Variants in BCAS1 observed in about 807,000 individuals in gnomAD.
BCAS1 encodes the protein breast carcinoma-amplified sequence 1.
A neutral mutation model predicts 65.4 loss-of-function variants in BCAS1; 46 were observed. That is an observed-to-expected ratio of 0.70 (90% CI 0.55 to 0.90). BCAS1 has a LOEUF of 0.90. Among genes scored for constraint, BCAS1 ranks in the 40% least tolerant of loss-of-function variants. The pLI is 0.00. For synonymous variants in BCAS1, 298 were observed against 293.5 expected, an observed-to-expected ratio of 1.02 and a Z score of -0.16; for missense variants, 793 against 771.2, an observed-to-expected ratio of 1.03 and a Z score of -0.33.
intron 4 of BCAS1, among the ~76,000 whole-genome samples, chr20:54,000,719 C>T (rs2091035709): frequency 6.6e-6 from 1 of 150,742 alleles, no homozygotes; most frequent in African/African-American, 2.4e-5. Flanking sequence ...GTTTCTATTG[C>T]TGTGTATTTA....
chr20:53,966,557 A>C (rs1304273437), intron 10 of BCAS1, among the ~76,000 whole-genome samples: 2 of 152,202 alleles, frequency 1.3e-5, no homozygotes, highest in Non-Finnish European at 2.9e-5. Flanking sequence ...AGGTGCACTA[A>C]AGTCTCAGAA....
In BCAS1 at chr20:54,041,249, G is replaced by A. The variant is rs75138064; in HGVS notation, c.143-12277C>T. ...ATGACGATGTTCTGGAATTAGACGT[G>A]GAACGATTGCACACATGGTGCAAAT... On this transcript the variant is annotated intron_variant, in intron 3 of 12. Coordinates refer to ENST00000688948, the MANE Select transcript of BCAS1 (RefSeq NM_001366298.2). 3.0e-3 allele frequency among the ~76,000 whole-genome samples: 458 copies of A among 151,290 alleles called. 11 individuals are homozygous for A. The highest frequency in any genetic ancestry group is 0.011 in the African/African-American group (437 of 41,414).
At chr20:53,962,417 T>C (rs2089906126) in intron 10 of BCAS1, among the ~76,000 whole-genome samples, 1 of 152,186 alleles carries the variant, frequency 6.6e-6, no homozygotes, top group African/African-American at 2.4e-5. Context: ...CAAAGAAAGA[T>C]ATGAGGAGGA....
chr20:54,008,708 T>C (rs183843092), intron 4 of BCAS1, among the ~76,000 whole-genome samples: 3,291 of 151,888 alleles, frequency 0.022, 50 homozygotes, highest in Non-Finnish European at 0.032. Flanking sequence ...TGTCATACCA[T>C]ACCAAGAACT....
intron 4 of BCAS1, among the ~76,000 whole-genome samples, chr20:53,998,108 T>C (rs970069790): frequency 3.3e-5 from 5 of 152,160 alleles, no homozygotes; most frequent in Admixed American, 3.3e-4. Context: ...TTTTGACCCC[T>C]TCTCTCAGTA....
intron 3 of BCAS1, among the ~76,000 whole-genome samples, chr20:54,039,137 C>T (rs1277997003): frequency 6.6e-6 from 1 of 151,480 alleles, no homozygotes; most frequent in Non-Finnish European, 1.5e-5. Context: ...CAAACAACTG[C>T]GGCTTTCTAT....
chr20:54,058,838 G>T, intron 1 of BCAS1, 115 bp from the exon 2 acceptor site: 1 of 1,174,216 alleles, frequency 8.5e-7, no homozygotes, highest in South Asian at 1.4e-5. Context: ...ATCATCAGCT[G>T]AGATCAGAAC....
chr20:54,066,287 T>C lies in BCAS1; in HGVS notation c.-6+4146A>G, dbSNP rs374976524. Among the ~76,000 whole-genome samples the C allele has an allele frequency of 1.3e-4, 20 of 152,294 alleles. No individual in the cohort carries two copies. In the East Asian group the frequency reaches 1.9e-3, roughly 15 times the overall value. On this transcript the variant is annotated intron_variant, in intron 1 of 12. Transcript: ENST00000688948. Reference sequence around the variant, plus strand: ...CGGGGTTTCCCCGTGTTAGCCAGGATGGTCTCGATCTCCTGACCTCGTGAT... The same window carrying C: ...CGGGGTTTCCCCGTGTTAGCCAGGACGGTCTCGATCTCCTGACCTCGTGAT...
At chr20:53,949,601 C>T (rs1022161802) in intron 12 of BCAS1, among the ~76,000 whole-genome samples, 2 of 152,200 alleles carry the variant, frequency 1.3e-5, no homozygotes, top group African/African-American at 2.4e-5. Context: ...TGAAAGTCTT[C>T]GAGGCTTGGT....
intron 4 of BCAS1, among the ~76,000 whole-genome samples, chr20:54,004,134 T>C (rs2091126817): frequency 6.6e-6 from 1 of 152,294 alleles, no homozygotes; most frequent in East Asian, 1.9e-4. Context: ...AGGTGGGGCC[T>C]TGGGGAGATG....
chr20:54,028,424 A>T lies in BCAS1; in HGVS notation c.691T>A (p.Ser231Thr). The T allele has an allele frequency of 6.2e-7, 1 of 1,614,214 alleles. No individual in the cohort carries two copies. The highest frequency in any genetic ancestry group is 8.5e-7 in the Non-Finnish European group (1 of 1,180,024). ...QDKVDEVPGL[S>T]GQSDDVPAGK... The stretch of plus-strand genomic sequence containing the variant: ...GCAGGGACATCATCGGACTGCCCTG[A>T]TAAGCCAGGAACCTCATCCACCTTG... The change falls in exon 4 of 13, where the codon TCA becomes ACA. Residue 231 changes from serine (S) to threonine (T), a missense_variant. Transcript: ENST00000688948.
rs2089269685 is a variant in BCAS1 at position 53,945,130 on chromosome 20, T to C, written c.1816-134A>G. 5 of 786,060 alleles carry C rather than the reference T, an allele frequency of 6.4e-6. No homozygotes were observed. The South Asian group carries it at 7.2e-5, about 11-fold the overall frequency. 48.7% of individuals were successfully genotyped at this position (786,060 alleles called of 1,614,324 possible). A position where few individuals can be genotyped will look rare whatever the true frequency, so the allele number is the denominator to read the frequency against. ...ATATATCTCATTCCTCAGTGCTGGG[T>C]AAGAGAATGGTCTCCAGTCAGATGC... On this transcript the variant is annotated intron_variant, in intron 12 of 12. Coordinates refer to ENST00000688948, the MANE Select transcript of BCAS1 (RefSeq NM_001366298.2).
chr20:53,973,757 G>C lies in BCAS1; in HGVS notation c.1317+1632C>G, dbSNP rs137938025. ...TCATGAGAACTTTCTGGAATGATGA[G>C]AGACCTGAGCTTTGCTGGGCTAAGA... is the stretch of plus-strand genomic sequence containing the variant. On this transcript the variant is annotated intron_variant, in intron 9 of 12. Coordinates refer to ENST00000688948, the MANE Select transcript of BCAS1 (RefSeq NM_001366298.2). Among the ~76,000 whole-genome samples the C allele has an allele frequency of 2.5e-3, 384 of 152,248 alleles. 2 individuals are homozygous for C. Among genetic ancestry groups the C allele is most frequent in the African/African-American group, 9.1e-3 (377 of 41,554 alleles).
chr20:53,969,968 T>C (rs1450441221), intron 9 of BCAS1, among the ~76,000 whole-genome samples: 1 of 152,190 alleles, frequency 6.6e-6, no homozygotes, highest in Non-Finnish European at 1.5e-5. Context: ...TTTGGGGGTA[T>C]AAAGTTGGCA....
intron 1 of BCAS1, among the ~76,000 whole-genome samples, chr20:54,065,190 C>CAT (rs1366058630): frequency 2.0e-5 from 3 of 151,140 alleles, no homozygotes; most frequent in Non-Finnish European, 4.4e-5. Context: ...CTATCTCACA[C>CAT]ACACTATATA....
At chr20:54,024,328 A>T (rs1226004398) in intron 4 of BCAS1, among the ~76,000 whole-genome samples, 1 of 152,214 alleles carries the variant, frequency 6.6e-6, no homozygotes, top group African/African-American at 2.4e-5. Flanking sequence ...TCATTCACTG[A>T]GATGGAAAAC....
In BCAS1 at chr20:53,944,750, G is replaced by T; in HGVS notation, c.*172C>A. The T allele has an allele frequency of 1.5e-6, 1 of 676,604 alleles. No homozygotes were observed. Among genetic ancestry groups the T allele is most frequent in the East Asian group, 2.6e-5 (1 of 39,132 alleles). The allele number at this position is 676,604 out of a possible 1,614,324, so 41.9% of individuals were successfully genotyped here. A position where few individuals can be genotyped will look rare whatever the true frequency, so the allele number is the denominator to read the frequency against. On this transcript the variant is annotated 3_prime_UTR_variant, in exon 13 of 13. Coordinates refer to ENST00000688948, the MANE Select transcript of BCAS1 (RefSeq NM_001366298.2). ...TTATTTGCCAGAAAAGACTGGACCA[G>T]AGACGTAAATAATACACCTCAATAT...
chr20:53,955,102 G>A (rs1600699415), intron 11 of BCAS1, among the ~76,000 whole-genome samples: 1 of 152,302 alleles, frequency 6.6e-6, no homozygotes, highest in South Asian at 2.1e-4. Flanking sequence ...CTACAACAAG[G>A]TAGCAGCTTT....
chr20:53,955,187 G>T (rs140645773), intron 11 of BCAS1, among the ~76,000 whole-genome samples: 284 of 152,272 alleles, frequency 1.9e-3, no homozygotes, highest in Middle Eastern at 6.8e-3. Flanking sequence ...AGAAGTAAGC[G>T]GGAAGACAAA....
Sources: gnomAD v4.1 joint callset for allele counts (sites outside exome capture counted in the v4.1 genomes callset) on GRCh38, gnomAD v4.1.1 for gene constraint, MANE v1.5 for transcripts, NCBI Gene and HGNC (gene_info 2026-07-23, HGNC 2026-07-21) for gene names.